The following NLRC5 variants were observed in gnomAD, a reference collection of about 807,000 sequenced individuals.
NLRC5 encodes NLR family CARD domain containing 5.
Under a neutral mutation model 206.9 loss-of-function variants are expected in NLRC5, and 114 were observed. The ratio of observed to expected loss-of-function variants is 0.55; its 90% CI spans 0.47 to 0.64. The LOEUF (loss-of-function observed/expected upper bound fraction) is 0.64, where lower values mean the gene tolerates loss of function less well. NLRC5 is among the 30% of genes least tolerant of loss of function. NLRC5 has a pLI of 0.00. For missense variants in NLRC5, 2,008 were observed against 2,305.5 expected (o/e 0.87, Z 2.64); for synonymous variants, 952 against 962.8 (o/e 0.99, Z 0.21).
intron 22 of NLRC5, among the ~76,000 whole-genome samples, chr16:57,047,193 A>G (rs1462950253): frequency 6.6e-6 from 1 of 152,166 alleles, no homozygotes; most frequent in Non-Finnish European, 1.5e-5. Context: ...AATGTGAGAC[A>G]CTTGTGGGGC....
chr16:57,077,828 G>A, intron 42 of NLRC5, 26 bp downstream of exon 42: 1 of 1,588,596 alleles, frequency 6.3e-7, no homozygotes, highest in Non-Finnish European at 8.6e-7. Context: ...GGTGGCCTCT[G>A]CCCTCTGTGC....
At position 57,047,669 on chromosome 16, in the gene NLRC5, G is replaced by T. The variant is rs201635792; in HGVS notation, c.3422+41G>T. On this transcript the variant is annotated intron_variant, in intron 23 of 48. Coordinates refer to ENST00000688547, the MANE Select transcript of NLRC5 (RefSeq NM_001384950.1). ...ACAGCCCCAGAGGGCACCATGTGGG[G>T]ATCTGCCCAGTGACCTGGGAGGGGG... 3.9e-5 allele frequency: 60 copies of T among 1,543,236 alleles called. No individual in the cohort carries two copies. In the East Asian group the frequency reaches 1.2e-3, roughly 31 times the overall value.
At chr16:57,030,167 C>T in intron 10 of NLRC5, 83 bp downstream of exon 10, 1 of 1,137,360 alleles carries the variant, frequency 8.8e-7, no homozygotes, top group East Asian at 2.4e-5. Context: ...GAGGAGGCCC[C>T]TCGTCTGCAG....
chr16:57,022,150 G>C, intron 3 of NLRC5, 106 bp from the exon 4 acceptor site: 1 of 821,176 alleles, frequency 1.2e-6, no homozygotes, highest in Non-Finnish European at 1.9e-6. Flanking sequence ...CTCCCTTGCT[G>C]GGTATCTCCC....
At position 57,055,156 on chromosome 16, in the gene NLRC5, C is replaced by G. The variant is rs1210508266; in HGVS notation, c.3659+62C>G. On this transcript the variant is annotated intron_variant, in intron 26 of 48. Coordinates refer to ENST00000688547, the MANE Select transcript of NLRC5 (RefSeq NM_001384950.1). ...ATGTTGGGGACCAGTAGATCTGCCT[C>G]CTGGGTGGCCAGAGCAGTATGCAGA... is the stretch of plus-strand genomic sequence containing the variant. 6 of 1,562,486 alleles carry G rather than the reference C, an allele frequency of 3.8e-6. No individual in the cohort carries two copies. In the East Asian group the frequency reaches 9.0e-5, roughly 23 times the overall value.
chr16:57,005,546 A>G (rs556135321), intron 1 of NLRC5, among the ~76,000 whole-genome samples: 70 of 152,106 alleles, frequency 4.6e-4, no homozygotes, highest in African/African-American at 1.6e-3. Flanking sequence ...GGAGGTTTGA[A>G]TGACAACTCG....
rs904433561 is a variant in NLRC5, at chr16:57,083,424, A to G, written c.*896A>G. The G allele has an allele frequency of 6.6e-6, 1 of 152,382 alleles. No homozygotes were observed. The highest frequency in any genetic ancestry group is 3.4e-3 in the Middle Eastern group (1 of 296). The allele number at this position is 152,382 out of a possible 1,614,324, so 9.4% of individuals were successfully genotyped here. ...ATTCAGGTGAGTCTCCATGCACTTCACATGTTACCCAGTGTTCTTGTTACT... is the reference window on the plus strand; with the variant it reads ...ATTCAGGTGAGTCTCCATGCACTTCGCATGTTACCCAGTGTTCTTGTTACT... On this transcript the variant is annotated 3_prime_UTR_variant, in exon 49 of 49. Transcript: ENST00000688547.
At chr16:57,058,438 A>T in intron 28 of NLRC5, 1 of 448,398 alleles carries the variant, frequency 2.2e-6, no homozygotes, top group Non-Finnish European at 4.0e-6. Flanking sequence ...GGGAAGCAAC[A>T]TTCCATCCCC....
At position 57,020,928 on chromosome 16, in the gene NLRC5, C is replaced by T; in HGVS notation, c.216C>T (p.Phe72=). The T allele has an allele frequency of 6.2e-7, 1 of 1,614,028 alleles. No homozygotes were observed. Among genetic ancestry groups the T allele is most frequent in the South Asian group, 1.1e-5 (1 of 91,060 alleles). ...HVQGSDTWQS[F]IHCVCMQLEV... Reference sequence around the variant, plus strand: ...AGGGTTCGGACACCTGGCAGTCTTTCATTCATTGTGTGTGCATGCAGCTGG... The same window carrying T: ...AGGGTTCGGACACCTGGCAGTCTTTTATTCATTGTGTGTGCATGCAGCTGG... The change falls in exon 3 of 49, where the codon TTC becomes TTT. Residue 72 remains phenylalanine, a synonymous_variant. Transcript: ENST00000688547.
intron 46 of NLRC5, among the ~76,000 whole-genome samples, chr16:57,080,537 T>G (rs1328382837): frequency 1.5e-5 from 2 of 135,704 alleles, no homozygotes; most frequent in Admixed American, 8.9e-5. Flanking sequence ...CAGGCTGGAG[T>G]GCAGTGGTGC....
chr16:57,059,094 T>C, intron 29 of NLRC5, 33 bp downstream of exon 29: 1 of 1,613,284 alleles, frequency 6.2e-7, no homozygotes, highest in South Asian at 1.1e-5. Context: ...AAAGCCCCTT[T>C]CTGCTGGCCA....
chr16:57,067,781 G>C lies in NLRC5; in HGVS notation c.4452G>C (p.Leu1484=). The C allele has an allele frequency of 6.2e-7, 1 of 1,614,206 alleles. No homozygotes were observed. The highest frequency in any genetic ancestry group is 1.3e-5 in the African/African-American group (1 of 75,056). ...GTGAGGACGATGATGCCAGTTCCCT[G>C]CTGCTGCAGAGCCTCCTGCTGTCCC... is the stretch of plus-strand genomic sequence containing the variant. ...NLCEDDDASS[L]LLQSLLLSLS... is the part of the protein sequence containing the mutation. Residue 1484 remains leucine (L), a synonymous_variant, in exon 36 of 49, where the codon CTG becomes CTC. Coordinates refer to ENST00000688547, the MANE Select transcript of NLRC5 (RefSeq NM_001384950.1).
At chr16:57,019,984 G>T (rs16965077) in intron 2 of NLRC5, among the ~76,000 whole-genome samples, 1 of 152,032 alleles carries the variant, frequency 6.6e-6, no homozygotes, top group South Asian at 2.1e-4. Flanking sequence ...GAGAGCCAGG[G>T]TGCAGGCACA....
At position 57,020,943 on chromosome 16, in the gene NLRC5, C is replaced by T. The variant is rs757701534; in HGVS notation, c.231C>T (p.Cys77=). 1.2e-6 allele frequency: 2 copies of T among 1,614,008 alleles called. No individual in the cohort carries two copies. The highest frequency in any genetic ancestry group is 3.3e-5 in the Admixed American group (2 of 60,014). The change falls in exon 3 of 49, where the codon TGC becomes TGT. Residue 77 remains cysteine, a synonymous_variant. Coordinates refer to ENST00000688547, the MANE Select transcript of NLRC5 (RefSeq NM_001384950.1). ...DTWQSFIHCV[C]MQLEVPLDLE... ...GGCAGTCTTTCATTCATTGTGTGTG[C>T]ATGCAGCTGGAGGTGCCTCTGGACC...
intron 1 of NLRC5, among the ~76,000 whole-genome samples, chr16:56,998,847 A>G (rs141008339): frequency 6.6e-6 from 1 of 152,366 alleles, no homozygotes; most frequent in African/African-American, 2.4e-5. Context: ...GGTTACACCA[A>G]ACTTTATTAT....
At chr16:57,074,756 G>A (rs1425789238) in intron 39 of NLRC5, 73 bp downstream of exon 39, 1 of 1,425,730 alleles carries the variant, frequency 7.0e-7, no homozygotes, top group Non-Finnish European at 9.9e-7. Context: ...CACATCCAGG[G>A]AAGCACTGAG....
At chr16:57,040,831 AC>A in intron 17 of NLRC5, 113 bp downstream of exon 17, 1 of 1,001,302 alleles carries the variant, frequency 1.0e-6, no homozygotes, top group Non-Finnish European at 1.5e-6. Flanking sequence ...AGGACACCTG[AC>A]CTGCTGTGTC....
rs1478555575 is a variant in NLRC5 at position 57,027,947 on chromosome 16, G to T, written c.2076-125G>T. The T allele has an allele frequency of 5.2e-6, 3 of 580,506 alleles. No individual in the cohort carries two copies. In the East Asian group the frequency reaches 8.6e-5, roughly 17 times the overall value. The allele number at this position is 580,506 out of a possible 1,614,324, so 36.0% of individuals were successfully genotyped here. ...AATGGGCTTTGGTGGACGATTAGAA[G>T]TCTCGGCCATAATATGTATTTGTTA... On this transcript the variant is annotated intron_variant, in intron 6 of 48. Coordinates refer to ENST00000688547, the MANE Select transcript of NLRC5 (RefSeq NM_001384950.1).
chr16:57,006,413 CTTTTTTT>C (rs58713490), intron 1 of NLRC5, among the ~76,000 whole-genome samples: 2,813 of 90,860 alleles, frequency 0.031, 94 homozygotes, highest in African/African-American at 0.096. Context: ...TCTTCATCCT[CTTTTTTT>C]TTTTTTTTTT....
Sources: gnomAD v4.1 joint callset for allele counts (sites outside exome capture counted in the v4.1 genomes callset) on GRCh38, gnomAD v4.1.1 for gene constraint, MANE v1.5 for transcripts, NCBI Gene and HGNC (gene_info 2026-07-23, HGNC 2026-07-21) for gene names.